Variants in MYO18B observed in about 807,000 individuals in gnomAD.
MYO18B encodes the protein unconventional myosin-XVIIIb.
MYO18B carries 204 observed loss-of-function variants against 273.0 expected under a neutral mutation model. The observed-to-expected ratio is 0.75, with a 90% CI of 0.67 to 0.84. The LOEUF (loss-of-function observed/expected upper bound fraction) is 0.84, where lower values mean the gene tolerates loss of function less well. Among genes scored for constraint, MYO18B ranks in the 40% least tolerant of loss-of-function variants. The pLI is 0.00. For missense variants in MYO18B, 3,212 were observed against 3,287.6 expected (o/e 0.98, Z 0.56); for synonymous variants, 1,330 against 1,305.7 (o/e 1.02, Z -0.40).
chr22:25,751,343 T>C (rs1171682908), intron 1 of MYO18B, among the ~76,000 whole-genome samples: 2 of 152,224 alleles, frequency 1.3e-5, no homozygotes, highest in African/African-American at 2.4e-5. Flanking sequence ...ACACGCCCTG[T>C]GCTGTGACTA....
intron 7 of MYO18B, among the ~76,000 whole-genome samples, chr22:25,775,920 A>G (rs1303860327): frequency 1.3e-5 from 2 of 152,206 alleles, no homozygotes; most frequent in African/African-American, 2.4e-5. Context: ...TTATAGTCCA[A>G]TGCACCTTTT....
In MYO18B at chr22:25,771,053, C is replaced by G. The variant is rs574087343; in HGVS notation, c.1692+69C>G. Reference sequence around the variant, plus strand: ...CCACTTCACCCCAGCTCCATACCCTCCTTCCCCAGTCCTGCAAGAGATTTC... The same window carrying G: ...CCACTTCACCCCAGCTCCATACCCTGCTTCCCCAGTCCTGCAAGAGATTTC... On this transcript the variant is annotated intron_variant, in intron 6 of 43. Coordinates refer to ENST00000335473, the MANE Select transcript of MYO18B (RefSeq NM_032608.7). 4 of 1,079,040 alleles carry G rather than the reference C, an allele frequency of 3.7e-6. No individual in the cohort carries two copies. The South Asian group carries it at 5.7e-5, about 15-fold the overall frequency. 66.8% of individuals were successfully genotyped at this position (1,079,040 alleles called of 1,614,324 possible). A position where few individuals can be genotyped will look rare whatever the true frequency, so the allele number is the denominator to read the frequency against.
intron 14 of MYO18B, among the ~76,000 whole-genome samples, chr22:25,828,382 T>G (rs1362791873): frequency 6.6e-6 from 1 of 152,224 alleles, no homozygotes; most frequent in Non-Finnish European, 1.5e-5. Flanking sequence ...AGGTGATAGC[T>G]TGAAAGAATT....
intron 28 of MYO18B, chr22:25,896,193 G>C (rs1309397332): frequency 6.6e-6 from 1 of 152,094 alleles, no homozygotes; most frequent in Non-Finnish European, 1.5e-5. Context: ...ACCCACATGA[G>C]GCTTAGACCT....
rs539782925 is a variant in MYO18B at position 25,984,517 on chromosome 22, C to T, written c.6157-7846C>T. 3.3e-5 allele frequency among the ~76,000 whole-genome samples: 5 copies of T among 152,222 alleles called. No individual in the cohort carries two copies. In the East Asian group the frequency reaches 5.8e-4, roughly 18 times the overall value. ...TTAAAAATGTGGCAGAGGCTGGGTA[C>T]GGTGGCTCATGCCTGTAATCCCAGA... is the stretch of plus-strand genomic sequence containing the variant. On this transcript the variant is annotated intron_variant, in intron 39 of 43. Transcript: ENST00000335473.
chr22:25,877,003 C>T, intron 24 of MYO18B: 2 of 152,190 alleles, frequency 1.3e-5, no homozygotes, highest in East Asian at 3.8e-4. Flanking sequence ...GGCGGTGAAG[C>T]AGCTTCTGAA....
Position 26,004,733 on chromosome 22 carries a change from C to T in MYO18B, c.6348C>T (p.Ile2116=), listed in dbSNP as rs950297246. 2 of 1,613,716 alleles carry T rather than the reference C, an allele frequency of 1.2e-6. No homozygotes were observed. The highest frequency in any genetic ancestry group is 1.6e-4 in the Middle Eastern group (1 of 6,084). Residue 2116 remains isoleucine, a synonymous_variant, in exon 42 of 44, where the codon ATC becomes ATT. Coordinates refer to ENST00000335473, the MANE Select transcript of MYO18B (RefSeq NM_032608.7). ...CTTATTCTAGGGATAACGTCTCCAT[C>T]CTCAGCTCCCAGCCAGAGGGCAGCC... ...SGRKEMDNVS[I]LSSQPEGSLQ... is the part of the protein sequence containing the mutation.
chr22:25,841,276 G>A (rs1008409605), intron 17 of MYO18B, among the ~76,000 whole-genome samples: 1 of 152,240 alleles, frequency 6.6e-6, no homozygotes, highest in Admixed American at 6.5e-5. Context: ...CTGTGAGAGA[G>A]ATATGCTGGA....
At chr22:25,776,551 C>T (rs553164287) in intron 7 of MYO18B, among the ~76,000 whole-genome samples, 46 of 152,074 alleles carry the variant, frequency 3.0e-4, no homozygotes, top group Non-Finnish European at 5.6e-4. Context: ...GAGCTGAGAT[C>T]GTGCCATTGT....
intron 22 of MYO18B, among the ~76,000 whole-genome samples, chr22:25,873,943 G>A (rs527373440): frequency 4.6e-4 from 70 of 152,306 alleles, no homozygotes; most frequent in African/African-American, 1.7e-3. Flanking sequence ...TCAAAGGAAC[G>A]TGCACAGGAA....
At position 26,026,823 on chromosome 22, in the gene MYO18B, G is replaced by T. The variant is rs771862908; in HGVS notation, c.6849G>T (p.Thr2283=). 3 of 1,593,268 alleles carry T rather than the reference G, an allele frequency of 1.9e-6. No homozygotes were observed. In the South Asian group the frequency reaches 3.4e-5, roughly 18 times the overall value. ...EDWPTLPIYQ[T]TGASTLRRGR... The stretch of plus-strand genomic sequence containing the variant: ...GGCCCACTCTCCCCATTTACCAGAC[G>T]ACTGGGGCCTCCACACTAAGGAGGG... Residue 2283 remains threonine (T), a synonymous_variant, in exon 43 of 44, where the codon ACG becomes ACT. Transcript: ENST00000335473.
intron 42 of MYO18B, among the ~76,000 whole-genome samples, chr22:26,011,540 T>C (rs545377367): frequency 3.3e-5 from 5 of 152,170 alleles, no homozygotes; most frequent in Non-Finnish European, 7.4e-5. Context: ...ACTACAGGAA[T>C]GGGCAAGACT....
chr22:25,836,166 G>A (rs1386238867), intron 17 of MYO18B, among the ~76,000 whole-genome samples: 1 of 152,170 alleles, frequency 6.6e-6, no homozygotes, highest in Non-Finnish European at 1.5e-5. Flanking sequence ...CCAGAACAAA[G>A]TGATCATGAG....
chr22:26,029,682 G>A (rs1269916173), intron 43 of MYO18B, among the ~76,000 whole-genome samples: 1 of 152,070 alleles, frequency 6.6e-6, no homozygotes, highest in African/African-American at 2.4e-5. Flanking sequence ...CACCTCCAAC[G>A]ATGCAAATGC....
chr22:25,941,822 C>G (rs909902225), intron 34 of MYO18B, among the ~76,000 whole-genome samples: 4 of 152,194 alleles, frequency 2.6e-5, no homozygotes, highest in Admixed American at 6.5e-5. Flanking sequence ...TTGTGTGCCT[C>G]TGGGACACTG....
At chr22:25,888,624 G>A (rs938621769) in intron 25 of MYO18B, among the ~76,000 whole-genome samples, 4 of 138,662 alleles carry the variant, frequency 2.9e-5, no homozygotes, top group African/African-American at 9.3e-5. Flanking sequence ...CCTGGTGCAC[G>A]GTGTAAGGAA....
intron 21 of MYO18B, among the ~76,000 whole-genome samples, chr22:25,852,713 G>T (rs1466372902): frequency 1.3e-5 from 2 of 152,158 alleles, no homozygotes; most frequent in Admixed American, 1.3e-4. Flanking sequence ...AGGCATTTGT[G>T]GGTTTGCTCC....
In MYO18B at chr22:25,946,163, G is replaced by A. The variant is rs779023704; in HGVS notation, c.5544G>A (p.Glu1848=). ...TGGAGCAGAGTGAAGCCAAGTGTGA[G>A]GAGGCCTTGAAGACGCAGAAGGTGC... ...SQLEQSEAKC[E]EALKTQKVLT... is the part of the protein sequence containing the mutation. The change falls in exon 35 of 44, where the codon GAG becomes GAA. Residue 1848 remains glutamate, a synonymous_variant. Coordinates refer to ENST00000335473, the MANE Select transcript of MYO18B (RefSeq NM_032608.7). 35 of 1,569,050 alleles carry A rather than the reference G, an allele frequency of 2.2e-5. No individual in the cohort carries two copies. The East Asian group carries it at 8.2e-4, about 37-fold the overall frequency.
Position 26,031,040 on chromosome 22 carries a change from C to T in MYO18B, c.*610C>T. 5.0e-6 allele frequency: 2 copies of T among 397,898 alleles called. No individual in the cohort carries two copies. The allele number at this position is 397,898 out of a possible 1,614,324, so 24.6% of individuals were successfully genotyped here. A position where few individuals can be genotyped will look rare whatever the true frequency, so the allele number is the denominator to read the frequency against. On this transcript the variant is annotated 3_prime_UTR_variant, in exon 44 of 44. Transcript: ENST00000335473. ...AGAACAAATAAATGAGCCCACACAC[C>T]CTGAACGCATGCGACACACTGATAT...
Sources: gnomAD v4.1 joint callset for allele counts (sites outside exome capture counted in the v4.1 genomes callset) on GRCh38, gnomAD v4.1.1 for gene constraint, MANE v1.5 for transcripts, NCBI Gene and HGNC (gene_info 2026-07-23, HGNC 2026-07-21) for gene names.